Variants in DGKI observed in about 807,000 individuals in gnomAD.
DGKI encodes the protein DAG kinase iota.
A neutral mutation model predicts 147.5 loss-of-function variants in DGKI; 55 were observed. That is an observed-to-expected ratio of 0.37 (90% CI 0.30 to 0.47). DGKI has a LOEUF of 0.47. Ranked by LOEUF, DGKI falls within the 20% of genes least tolerant of loss-of-function variation. The pLI is 1.00. For missense variants in DGKI, 1,007 were observed against 1,323.8 expected (o/e 0.76, Z 3.71); for synonymous variants, 469 against 477.1 (o/e 0.98, Z 0.22).
At chr7:137,614,447 G>A (rs1820464573) in intron 8 of DGKI, among the ~76,000 whole-genome samples, 1 of 152,096 alleles carries the variant, frequency 6.6e-6, no homozygotes, top group Non-Finnish European at 1.5e-5. Context: ...TAACTTGCCT[G>A]TCCAATCAAA....
At chr7:137,447,943 C>T (rs1813777151) in intron 27 of DGKI, among the ~76,000 whole-genome samples, 1 of 151,944 alleles carries the variant, frequency 6.6e-6, no homozygotes, top group Non-Finnish European at 1.5e-5. Flanking sequence ...TGGAAAATGA[C>T]AGGGAGGATG....
At chr7:137,725,166 G>A (rs539876788) in intron 1 of DGKI, among the ~76,000 whole-genome samples, 2 of 152,220 alleles carry the variant, frequency 1.3e-5, no homozygotes, top group Admixed American at 1.3e-4. Context: ...CCCTCCCAAA[G>A]CCTGTGATTT....
At chr7:137,645,578 A>C in intron 5 of DGKI, 41 bp from the exon 6 acceptor site, 1 of 1,545,950 alleles carries the variant, frequency 6.5e-7, no homozygotes, top group Non-Finnish European at 8.8e-7. Flanking sequence ...TTAAAAATTT[A>C]TTTCTATAGA....
intron 19 of DGKI, among the ~76,000 whole-genome samples, chr7:137,561,754 A>C (rs1818427188): frequency 6.6e-6 from 1 of 152,154 alleles, no homozygotes; most frequent in Non-Finnish European, 1.5e-5. Flanking sequence ...AATCTCAAGA[A>C]CAGAGAAAAA....
At chr7:137,838,006 T>G (rs1315362721) in intron 1 of DGKI, among the ~76,000 whole-genome samples, 2 of 146,616 alleles carry the variant, frequency 1.4e-5, no homozygotes, top group Non-Finnish European at 3.0e-5. Context: ...ACTTTTTTTT[T>G]TTTTTTTTTT....
At chr7:137,767,957 C>T (rs967704237) in intron 1 of DGKI, among the ~76,000 whole-genome samples, 2 of 152,088 alleles carry the variant, frequency 1.3e-5, no homozygotes, top group African/African-American at 4.8e-5. Flanking sequence ...AGAAGGATCA[C>T]CTGAAGCCAG....
chr7:137,767,552 AGAGAAGAGAAGAGAAGAGAAGGAGAAG>A (rs1427914826), intron 1 of DGKI, among the ~76,000 whole-genome samples: 1 of 143,488 alleles, frequency 7.0e-6, no homozygotes, highest in Non-Finnish European at 1.5e-5. Context: ...AGGAAGAGGA[AGAGAAGAGAAGAGAAGAGAAGGAGAAG>A]GAGAAGAGAA....
intron 28 of DGKI, among the ~76,000 whole-genome samples, chr7:137,429,071 C>A (rs1428728813): frequency 2.0e-5 from 3 of 152,052 alleles, no homozygotes; most frequent in Non-Finnish European, 4.4e-5. Flanking sequence ...TCATATGGAA[C>A]CAAAAAAGAG....
At chr7:137,527,066 G>A (rs565798391) in intron 20 of DGKI, among the ~76,000 whole-genome samples, 6 of 152,214 alleles carry the variant, frequency 3.9e-5, no homozygotes, top group East Asian at 3.9e-4. Context: ...AAAGCAAGAC[G>A]TATGGTCAAA....
intron 1 of DGKI, among the ~76,000 whole-genome samples, chr7:137,780,026 G>A (rs1027934864): frequency 2.0e-5 from 3 of 152,094 alleles, no homozygotes; most frequent in African/African-American, 7.2e-5. Flanking sequence ...AGATGAGAAG[G>A]AAAACAATTC....
intron 23 of DGKI, among the ~76,000 whole-genome samples, chr7:137,478,852 T>G (rs1815270481): frequency 6.6e-6 from 1 of 152,206 alleles, no homozygotes; most frequent in Non-Finnish European, 1.5e-5. Flanking sequence ...TGTGTTTGAT[T>G]TGTGAATGCT....
chr7:137,469,381 T>G (rs967350626), intron 24 of DGKI, among the ~76,000 whole-genome samples, 169 bp downstream of exon 24: 2 of 152,164 alleles, frequency 1.3e-5, no homozygotes, highest in African/African-American at 4.8e-5. Flanking sequence ...GAAAGGACAG[T>G]GCAATATCAG....
chr7:137,510,601 A>G (rs1462004011), intron 21 of DGKI, among the ~76,000 whole-genome samples: 1 of 152,216 alleles, frequency 6.6e-6, no homozygotes, highest in Non-Finnish European at 1.5e-5. Flanking sequence ...AACCATACCT[A>G]AAACTTCAAT....
At chr7:137,475,783 T>C (rs1815151071) in intron 23 of DGKI, among the ~76,000 whole-genome samples, 1 of 152,198 alleles carries the variant, frequency 6.6e-6, no homozygotes, top group South Asian at 2.1e-4. Context: ...AAGTTTCAAC[T>C]TCTTTTCCCA....
intron 10 of DGKI, among the ~76,000 whole-genome samples, chr7:137,605,683 A>G (rs575570455): frequency 9.9e-5 from 15 of 152,248 alleles, no homozygotes; most frequent in Non-Finnish European, 1.8e-4. Context: ...GGAGGTCATT[A>G]TGTTAAGTGA....
chr7:137,668,308 G>A (rs1822714443), intron 3 of DGKI, among the ~76,000 whole-genome samples: 1 of 152,212 alleles, frequency 6.6e-6, no homozygotes, highest in South Asian at 2.1e-4. Context: ...AAAATGCACT[G>A]CAAAAGGCAT....
At chr7:137,640,019 TG>T (rs1821567365) in intron 6 of DGKI, among the ~76,000 whole-genome samples, 2 of 151,360 alleles carry the variant, frequency 1.3e-5, no homozygotes, top group Non-Finnish European at 2.9e-5. Flanking sequence ...TTTTTTTTTT[TG>T]GTGGTGGTAA....
chr7:137,531,051 C>T (rs1301107013), intron 20 of DGKI, among the ~76,000 whole-genome samples: 1 of 152,002 alleles, frequency 6.6e-6, no homozygotes, highest in Non-Finnish European at 1.5e-5. Context: ...CTTTAAGTTC[C>T]CACATACACT....
intron 19 of DGKI, 29 bp downstream of exon 19, chr7:137,571,146 C>T (rs1234479210): frequency 2.0e-6 from 3 of 1,493,454 alleles, no homozygotes; most frequent in Non-Finnish European, 2.7e-6. Context: ...AAATACATTT[C>T]ATTTTAATAA....
Sources: gnomAD v4.1 joint callset for allele counts (sites outside exome capture counted in the v4.1 genomes callset) on GRCh38, gnomAD v4.1.1 for gene constraint, MANE v1.5 for transcripts, NCBI Gene and HGNC (gene_info 2026-07-23, HGNC 2026-07-21) for gene names.